The following SLC35F3 variants were observed in gnomAD, a reference collection of about 807,000 sequenced individuals.
The protein encoded by SLC35F3 is solute carrier family 35 member F3.
A neutral mutation model predicts 49.9 loss-of-function variants in SLC35F3; 25 were observed. That is an observed-to-expected ratio of 0.50 (90% CI 0.37 to 0.70). The LOEUF (loss-of-function observed/expected upper bound fraction) is 0.70. Ranked by LOEUF, SLC35F3 falls within the 30% of genes least tolerant of loss-of-function variation. SLC35F3 has a pLI of 0.00. For missense variants in SLC35F3, 525 were observed against 639.8 expected, an observed-to-expected ratio of 0.82 and a Z score of 1.94; for synonymous variants, 275 against 265.4, an observed-to-expected ratio of 1.04 and a Z score of -0.35.
In SLC35F3 at chr1:234,010,638, T is replaced by C. The variant is rs150533930; in HGVS notation, c.283+104880T>C. ...CACTTTTGAGGTGATATGTCCCTTGTTGAAAGGTGTTAGAGTCCCCTACTA... is the reference window on the plus strand; with the variant it reads ...CACTTTTGAGGTGATATGTCCCTTGCTGAAAGGTGTTAGAGTCCCCTACTA... On this transcript the variant is annotated intron_variant, in intron 2 of 7. Transcript: ENST00000366618. Among the ~76,000 whole-genome samples, 390 of 152,278 alleles carry C rather than the reference T, an allele frequency of 2.6e-3. 2 individuals carry two copies. Among genetic ancestry groups the C allele is most frequent in the African/African-American group, 8.8e-3 (365 of 41,564 alleles).
At chr1:234,188,448 C>T (rs1332343685) in intron 2 of SLC35F3, among the ~76,000 whole-genome samples, 2 of 152,048 alleles carry the variant, frequency 1.3e-5, no homozygotes, top group African/African-American at 2.4e-5. Context: ...TTCCTGACAA[C>T]CTGCATGACA....
intron 2 of SLC35F3, among the ~76,000 whole-genome samples, chr1:234,076,801 G>A (rs1411789770): frequency 1.3e-5 from 2 of 151,966 alleles, no homozygotes; most frequent in African/African-American, 2.4e-5. Context: ...TAGAATCCTA[G>A]CAGTTCTCTT....
intron 2 of SLC35F3, among the ~76,000 whole-genome samples, chr1:234,006,942 G>A (rs1035794876): frequency 6.6e-6 from 1 of 152,126 alleles, no homozygotes; most frequent in Non-Finnish European, 1.5e-5. Flanking sequence ...CCAGCGGTTG[G>A]CAAATATCTT....
intron 2 of SLC35F3, among the ~76,000 whole-genome samples, chr1:234,070,111 G>A (rs142184981): frequency 5.9e-5 from 9 of 152,278 alleles, no homozygotes; most frequent in African/African-American, 1.2e-4. Context: ...CATACTCTGC[G>A]GGATTCAAGG....
chr1:234,316,490 C>T (rs1393698307), intron 4 of SLC35F3, 112 bp from the exon 5 acceptor site: 2 of 1,370,490 alleles, frequency 1.5e-6, no homozygotes, highest in Non-Finnish European at 9.8e-7. Context: ...GGAGACACCA[C>T]TTTCCCCTCA....
intron 3 of SLC35F3, among the ~76,000 whole-genome samples, chr1:234,234,120 C>T (rs1488990516): frequency 6.6e-6 from 1 of 152,236 alleles, no homozygotes; most frequent in Non-Finnish European, 1.5e-5. Flanking sequence ...ACTGAAATCA[C>T]ATCTTTCATC....
At chr1:234,160,105 C>G (rs1173893681) in intron 2 of SLC35F3, among the ~76,000 whole-genome samples, 1 of 152,202 alleles carries the variant, frequency 6.6e-6, no homozygotes, top group African/African-American at 2.4e-5. Flanking sequence ...ATTTCTCCAT[C>G]AAGGGCCCAG....
intron 2 of SLC35F3, among the ~76,000 whole-genome samples, chr1:234,119,546 T>C (rs182153424): frequency 1.3e-5 from 2 of 152,358 alleles, no homozygotes; most frequent in African/African-American, 4.8e-5. Context: ...AGGCGAGTCC[T>C]TTCTTGGTCA....
At chr1:234,228,067 G>A (rs1043943768) in intron 2 of SLC35F3, among the ~76,000 whole-genome samples, 1 of 152,122 alleles carries the variant, frequency 6.6e-6, no homozygotes, top group Admixed American at 6.5e-5. Context: ...CCTTAATAAA[G>A]TAGGATCAGT....
At chr1:234,206,165 A>C (rs1232040562) in intron 2 of SLC35F3, among the ~76,000 whole-genome samples, 1 of 152,142 alleles carries the variant, frequency 6.6e-6, no homozygotes, top group African/African-American at 2.4e-5. Context: ...CCACTCCTAC[A>C]TGGAAAACAC....
chr1:234,309,033 C>G (rs2102993843), intron 3 of SLC35F3, 68 bp from the exon 4 acceptor site: 4 of 1,220,744 alleles, frequency 3.3e-6, no homozygotes, highest in Non-Finnish European at 4.6e-6. Flanking sequence ...AAAAAACTTG[C>G]TATAGGAAAT....
intron 2 of SLC35F3, among the ~76,000 whole-genome samples, chr1:234,034,599 C>T (rs1391929069): frequency 6.6e-6 from 1 of 152,016 alleles, no homozygotes; most frequent in Non-Finnish European, 1.5e-5. Context: ...CGGCTCACTG[C>T]AACCTCTGCC....
chr1:234,118,309 T>A (rs1665522908), intron 2 of SLC35F3, among the ~76,000 whole-genome samples: 1 of 152,182 alleles, frequency 6.6e-6, no homozygotes, highest in Admixed American at 6.5e-5. Context: ...AGGCAGGGAC[T>A]GGAAACAAGC....
At chr1:234,005,914 ATC>A (rs982751907) in intron 2 of SLC35F3, among the ~76,000 whole-genome samples, 5 of 152,054 alleles carry the variant, frequency 3.3e-5, no homozygotes, top group African/African-American at 1.2e-4. Context: ...TGCCACCCCA[ATC>A]TCTTAATTTT....
intron 2 of SLC35F3, among the ~76,000 whole-genome samples, chr1:233,997,632 C>G (rs553934833): frequency 2.2e-4 from 34 of 152,290 alleles, no homozygotes; most frequent in African/African-American, 7.9e-4. Flanking sequence ...GGGGGCACAC[C>G]ATTCCTTCTT....
At chr1:234,052,019 A>T (rs1213392185) in intron 2 of SLC35F3, among the ~76,000 whole-genome samples, 1 of 152,114 alleles carries the variant, frequency 6.6e-6, no homozygotes, top group African/African-American at 2.4e-5. Flanking sequence ...AAGCTTTTTG[A>T]TGTGCTGCTG....
intron 2 of SLC35F3, among the ~76,000 whole-genome samples, chr1:233,933,250 AG>A (rs1186402520): frequency 6.6e-5 from 10 of 152,190 alleles, no homozygotes; most frequent in Non-Finnish European, 1.3e-4. Context: ...CAAAGGTTTG[AG>A]GGGTTTTCCC....
intron 2 of SLC35F3, among the ~76,000 whole-genome samples, chr1:234,102,196 G>A (rs1455381063): frequency 1.3e-5 from 2 of 152,230 alleles, no homozygotes; most frequent in Admixed American, 6.5e-5. Context: ...GACCTCTTTA[G>A]AGAAGAGATG....
At chr1:234,128,102 GACAA>G (rs1360951657) in intron 2 of SLC35F3, among the ~76,000 whole-genome samples, 1 of 152,098 alleles carries the variant, frequency 6.6e-6, no homozygotes, top group East Asian at 1.9e-4. Flanking sequence ...AAGTGATGCC[GACAA>G]ACAGGCATTA....
Sources: gnomAD v4.1 joint callset for allele counts (sites outside exome capture counted in the v4.1 genomes callset) on GRCh38, gnomAD v4.1.1 for gene constraint, MANE v1.5 for transcripts, NCBI Gene and HGNC (gene_info 2026-07-23, HGNC 2026-07-21) for gene names.